Variants in WDR88 observed in about 807,000 individuals in gnomAD.
WDR88 encodes the protein WD repeat domain 88.
A neutral mutation model predicts 46.8 loss-of-function variants in WDR88; 40 were observed. The observed-to-expected ratio is 0.86, with a 90% CI of 0.66 to 1.11. The LOEUF is 1.11. Among genes scored for constraint, WDR88 ranks in the 50% most tolerant of loss-of-function variants. The probability of loss-of-function intolerance (pLI) is 0.00; values close to 1 mark genes in which losing one functional copy is unlikely to be tolerated. For synonymous variants in WDR88, 235 were observed against 240.7 expected, an observed-to-expected ratio of 0.98 and a Z score of 0.22; for missense variants, 562 against 602.4, an observed-to-expected ratio of 0.93 and a Z score of 0.70.
intron 1 of WDR88, 136 bp from the exon 2 acceptor site, chr19:33,137,540 AC>A (rs1390916192): frequency 2.9e-5 from 21 of 714,186 alleles, no homozygotes; most frequent in Admixed American, 5.5e-5. Flanking sequence ...GACGTGAACC[AC>A]CCCCCTGGCC....
chr19:33,134,698 G>A (rs947020028), intron 1 of WDR88, among the ~76,000 whole-genome samples: 1 of 151,980 alleles, frequency 6.6e-6, no homozygotes, highest in South Asian at 2.1e-4. Flanking sequence ...CGGGGTTAGC[G>A]AACTCCCCCG....
At position 33,151,223 on chromosome 19, in the gene WDR88, A is replaced by T. The variant is rs770070086; in HGVS notation, c.722A>T (p.Asp241Val). 3.1e-6 allele frequency: 5 copies of T among 1,613,732 alleles called. No individual in the cohort carries two copies. In the African/African-American group the frequency reaches 6.7e-5, roughly 22 times the overall value. Reference protein sequence around the residue: ...RSITSCCFDPDSQRVASVSLD... With the variant: ...RSITSCCFDPVSQRVASVSLD... ...ATCACGTCATGCTGCTTTGACCCCG[A>T]CAGCCAGAGGGTGGCTTCTGTCTCA... The change falls in exon 6 of 11, where the codon GAC (aspartate) becomes GTC (valine). Residue 241 changes from aspartate to valine, a missense_variant. Transcript: ENST00000355868.
intron 10 of WDR88, chr19:33,175,061 C>G: frequency 1.1e-6 from 1 of 936,270 alleles, no homozygotes; most frequent in Middle Eastern, 5.5e-4. Context: ...ATGGAGAAAC[C>G]CCATCTCTAC....
At chr19:33,170,217 G>A (rs915308411) in intron 9 of WDR88, among the ~76,000 whole-genome samples, 5 of 151,532 alleles carry the variant, frequency 3.3e-5, no homozygotes, top group Non-Finnish European at 7.4e-5. Context: ...TTGCTGTATC[G>A]CCCAGGCTGG....
At chr19:33,155,848 A>G (rs1332840663) in intron 6 of WDR88, among the ~76,000 whole-genome samples, 1 of 152,198 alleles carries the variant, frequency 6.6e-6, no homozygotes, top group African/African-American at 2.4e-5. Context: ...GCATCTAGCC[A>G]GGAGAGGCCA....
chr19:33,154,841 G>C (rs2545669), intron 6 of WDR88, among the ~76,000 whole-genome samples: 146,084 of 152,192 alleles, frequency 0.96, 70,255 homozygotes, highest in African/African-American at 0.99. Context: ...ATCCCGGATG[G>C]CCCTGCGAAG....
At chr19:33,142,153 G>A (rs1202864472) in intron 2 of WDR88, among the ~76,000 whole-genome samples, 3 of 152,070 alleles carry the variant, frequency 2.0e-5, no homozygotes, top group African/African-American at 7.2e-5. Context: ...CACCCTCTAC[G>A]GAGGGACATG....
intron 8 of WDR88, among the ~76,000 whole-genome samples, chr19:33,162,301 C>T (rs560271076): frequency 6.6e-6 from 1 of 152,218 alleles, no homozygotes; most frequent in Non-Finnish European, 1.5e-5. Flanking sequence ...CCTGGGTTCA[C>T]ACCATTCTCC....
Position 33,174,072 on chromosome 19 carries a change from G to A in WDR88, c.1243-1324G>A, listed in dbSNP as rs1028004141. 23 of 1,212,508 alleles carry A rather than the reference G, an allele frequency of 1.9e-5. No homozygotes were observed. In the East Asian group the frequency reaches 2.6e-4, roughly 14 times the overall value. The allele number at this position is 1,212,508 out of a possible 1,614,324, so 75.1% of individuals were successfully genotyped here. ...TCACCATGTTGGCCAGGTTGGTCTC[G>A]AACTCCTGAGCTCAAGTGATCCGCC... On this transcript the variant is annotated intron_variant, in intron 10 of 10. Transcript: ENST00000355868.
At chr19:33,175,080 C>T in intron 10 of WDR88, 1 of 880,556 alleles carries the variant, frequency 1.1e-6, no homozygotes, top group Non-Finnish European at 1.4e-6. Context: ...ACTAAAAATA[C>T]AAAAATTAGC....
intron 6 of WDR88, among the ~76,000 whole-genome samples, chr19:33,155,586 C>T (rs1182270017): frequency 1.3e-5 from 2 of 151,988 alleles, no homozygotes; most frequent in Non-Finnish European, 2.9e-5. Flanking sequence ...AGGGGTGGAA[C>T]AGGGGGAGAC....
Position 33,175,724 on chromosome 19 carries a change from C to A in WDR88, c.*152C>A. ...AGCCCTGGCTGGACTCAGCACAGTG[C>A]CACCTCCTCAGCTCTCAGCTTGGGG... On this transcript the variant is annotated 3_prime_UTR_variant, in exon 11 of 11. Coordinates refer to ENST00000355868, the MANE Select transcript of WDR88 (RefSeq NM_173479.4). 1.3e-6 allele frequency: 1 copy of A among 770,984 alleles called. No individual in the cohort carries two copies. The highest frequency in any genetic ancestry group is 2.1e-6 in the Non-Finnish European group (1 of 480,198). 47.8% of individuals were successfully genotyped at this position (770,984 alleles called of 1,614,324 possible). A position where few individuals can be genotyped will look rare whatever the true frequency, so the allele number is the denominator to read the frequency against.
At chr19:33,152,157 G>A (rs997160341) in intron 6 of WDR88, among the ~76,000 whole-genome samples, 4 of 151,812 alleles carry the variant, frequency 2.6e-5, no homozygotes, top group African/African-American at 7.3e-5. Context: ...GCTTGAATCC[G>A]GGAGGTGGAG....
chr19:33,147,921 G>A (rs540202527), intron 4 of WDR88, among the ~76,000 whole-genome samples: 4 of 152,226 alleles, frequency 2.6e-5, no homozygotes, highest in Admixed American at 6.5e-5. Flanking sequence ...GGTGGGCACT[G>A]GGGGAGGAAG....
intron 8 of WDR88, among the ~76,000 whole-genome samples, chr19:33,161,227 C>T (rs906519759): frequency 2.6e-5 from 4 of 152,008 alleles, no homozygotes; most frequent in Non-Finnish European, 4.4e-5. Flanking sequence ...AGACGCATGC[C>T]CTAGTGAGGC....
intron 1 of WDR88, among the ~76,000 whole-genome samples, chr19:33,134,707 C>T (rs531419005): frequency 6.6e-6 from 1 of 152,152 alleles, no homozygotes; most frequent in East Asian, 1.9e-4. Context: ...CGAACTCCCC[C>T]GGAGAAAAGC....
chr19:33,172,515 G>A (rs933398265), intron 10 of WDR88, 75 bp downstream of exon 10: 46 of 1,311,382 alleles, frequency 3.5e-5, no homozygotes, highest in Non-Finnish European at 4.5e-5. Flanking sequence ...TCATTTGAAT[G>A]AACTTTGGGC....
chr19:33,172,549 A>C (rs1974055902), intron 10 of WDR88, 109 bp downstream of exon 10: 2 of 893,386 alleles, frequency 2.2e-6, no homozygotes, highest in Non-Finnish European at 3.4e-6. Context: ...ATCGTGAACA[A>C]ACAGACTGAC....
At chr19:33,174,663 GTAAAAGTTGGGTGTTC>G in intron 10 of WDR88, 1 of 985,468 alleles carries the variant, frequency 1.0e-6, no homozygotes, top group South Asian at 4.7e-5. Flanking sequence ...TCATGGTTCT[GTAAAAGTTGGGTGTTC>G]TCAGGATGTC....
Sources: allele counts gnomAD v4.1 joint callset (sites outside exome capture counted in the v4.1 genomes callset), GRCh38; gene constraint gnomAD v4.1.1; transcripts MANE v1.5; gene names NCBI Gene and HGNC (gene_info 2026-07-23, HGNC 2026-07-21).